The following CPS1 variants were observed in gnomAD, a reference collection of about 807,000 sequenced individuals.
The protein encoded by CPS1 is carbamoyl-phosphate synthase [ammonia], mitochondrial.
A neutral mutation model predicts 174.6 loss-of-function variants in CPS1; 109 were observed. The ratio of observed to expected loss-of-function variants is 0.62; its 90% confidence interval spans 0.53 to 0.73. The LOEUF (loss-of-function observed/expected upper bound fraction) is 0.73, where lower values mean the gene tolerates loss of function less well. Among genes scored for constraint, CPS1 ranks in the 30% least tolerant of loss-of-function variants. CPS1 has a pLI of 0.00. For missense variants in CPS1, 1,689 were observed against 1,821.9 expected (o/e 0.93, Z 1.33); for synonymous variants, 637 against 632.0 (o/e 1.01, Z -0.12).
chr2:210,561,055 T>A (rs1267903587), intron 1 of CPS1, among the ~76,000 whole-genome samples: 1 of 152,218 alleles, frequency 6.6e-6, no homozygotes, highest in Admixed American at 6.5e-5. Flanking sequence ...ATGGCCTTTC[T>A]TTTGAACATT....
At chr2:210,587,442 A>T (rs1181608751) in intron 6 of CPS1, among the ~76,000 whole-genome samples, 1 of 152,076 alleles carries the variant, frequency 6.6e-6, no homozygotes, top group Non-Finnish European at 1.5e-5. Flanking sequence ...TGCTTCAGAC[A>T]TAGATAATGA....
In CPS1 at chr2:210,615,768, C is replaced by T. The variant is rs1699284662; in HGVS notation, c.2569-655C>T. Among the ~76,000 whole-genome samples, 3 of 152,070 alleles carry T rather than the reference C, an allele frequency of 2.0e-5. No individual in the cohort carries two copies. The South Asian group carries it at 6.2e-4, about 32-fold the overall frequency. ...TTGAGGAAGAGGCTGAGCTGCCTAT[C>T]AGAACAGAAGTTATTACTACATTGT... On this transcript the variant is annotated intron_variant, in intron 20 of 37. Transcript: ENST00000233072.
chr2:210,494,535 G>A (rs889562559), intron 1 of CPS1, among the ~76,000 whole-genome samples: 5 of 152,088 alleles, frequency 3.3e-5, no homozygotes, highest in Non-Finnish European at 7.3e-5. Context: ...GACCCTAAAC[G>A]GCCCTATTGT....
At chr2:210,664,674 A>T (rs1297342455) in intron 33 of CPS1, among the ~76,000 whole-genome samples, 1 of 152,154 alleles carries the variant, frequency 6.6e-6, no homozygotes, top group East Asian at 1.9e-4. Context: ...TTCTGCATCC[A>T]TACATATGTT....
chr2:210,639,439 C>T (rs942926695), intron 23 of CPS1, among the ~76,000 whole-genome samples: 3 of 150,624 alleles, frequency 2.0e-5, no homozygotes, highest in African/African-American at 4.9e-5. Context: ...GGTGAAACCC[C>T]GTCTCTACTA....
At chr2:210,510,916 A>C (rs1403765097) in intron 1 of CPS1, among the ~76,000 whole-genome samples, 2 of 152,210 alleles carry the variant, frequency 1.3e-5, no homozygotes, top group South Asian at 2.1e-4. Context: ...AATAGGAACA[A>C]TTTTACACTG....
intron 1 of CPS1, among the ~76,000 whole-genome samples, chr2:210,541,143 G>C (rs919831065): frequency 6.6e-6 from 1 of 152,098 alleles, no homozygotes; most frequent in Admixed American, 6.5e-5. Flanking sequence ...TCAGTCCAGA[G>C]GGACAAATGT....
intron 8 of CPS1, 61 bp downstream of exon 8, chr2:210,590,295 C>A (rs914838798): frequency 1.2e-6 from 2 of 1,606,320 alleles, no homozygotes; most frequent in East Asian, 2.2e-5. Flanking sequence ...CGCTCTATAC[C>A]CTCAAAGGGC....
At chr2:210,523,688 G>T (rs1453455489) in intron 1 of CPS1, among the ~76,000 whole-genome samples, 1 of 151,950 alleles carries the variant, frequency 6.6e-6, no homozygotes, top group Non-Finnish European at 1.5e-5. Context: ...TTCTTTTTAT[G>T]GCTAAATATT....
At chr2:210,532,620 A>AGT (rs1696145267) in intron 1 of CPS1, among the ~76,000 whole-genome samples, 3 of 152,112 alleles carry the variant, frequency 2.0e-5, no homozygotes, top group Admixed American at 2.0e-4. Flanking sequence ...ATTTTCCTGT[A>AGT]GTGGTATATG....
At chr2:210,594,847 AATAAC>A (rs1698435741) in intron 12 of CPS1, among the ~76,000 whole-genome samples, 1 of 151,958 alleles carries the variant, frequency 6.6e-6, no homozygotes, top group Admixed American at 6.6e-5. Context: ...GAGTATTTGT[AATAAC>A]ATAACAAAGA....
At chr2:210,588,453 T>C (rs1276332303) in intron 7 of CPS1, among the ~76,000 whole-genome samples, 1 of 152,062 alleles carries the variant, frequency 6.6e-6, no homozygotes, top group East Asian at 1.9e-4. Flanking sequence ...CTTTGTGGTA[T>C]AGAGATGACC....
At chr2:210,599,854 A>G (rs564613245) in intron 14 of CPS1, among the ~76,000 whole-genome samples, 109 of 152,080 alleles carry the variant, frequency 7.2e-4, no homozygotes, top group African/African-American at 2.5e-3. Context: ...CTCTGTTGCT[A>G]TTGAGGTCTT....
intron 1 of CPS1, among the ~76,000 whole-genome samples, chr2:210,508,050 T>A (rs1356474745): frequency 6.6e-6 from 1 of 151,942 alleles, no homozygotes; most frequent in Non-Finnish European, 1.5e-5. Context: ...TACAGAACTC[T>A]CCACCCCAAA....
chr2:210,568,863 A>G (rs1200736715), intron 1 of CPS1, among the ~76,000 whole-genome samples: 2 of 152,172 alleles, frequency 1.3e-5, no homozygotes, highest in African/African-American at 2.4e-5. Flanking sequence ...AAAATAAAAA[A>G]TTATATGCAG....
At chr2:210,670,825 C>G (rs1395472239) in intron 34 of CPS1, among the ~76,000 whole-genome samples, 1 of 152,068 alleles carries the variant, frequency 6.6e-6, no homozygotes, top group Non-Finnish European at 1.5e-5. Context: ...AAAGTTAAAT[C>G]CAATAGGTCA....
intron 21 of CPS1, chr2:210,619,015 G>A (rs539186474): frequency 6.6e-6 from 1 of 152,172 alleles, no homozygotes; most frequent in South Asian, 2.1e-4. Context: ...AGGAGCTAGC[G>A]ATTTATTTGG....
chr2:210,614,899 G>T (rs571090453), intron 20 of CPS1, among the ~76,000 whole-genome samples: 1 of 151,924 alleles, frequency 6.6e-6, no homozygotes, highest in South Asian at 2.1e-4. Flanking sequence ...TGGGGAGGTA[G>T]GGGATGCATA....
At chr2:210,645,459 G>A (rs1383559624) in intron 25 of CPS1, among the ~76,000 whole-genome samples, 1 of 152,196 alleles carries the variant, frequency 6.6e-6, no homozygotes, top group Non-Finnish European at 1.5e-5. Context: ...CAGCATAGCT[G>A]AAAGTGTATT....
Sources: gnomAD v4.1 joint callset for allele counts (sites outside exome capture counted in the v4.1 genomes callset) on GRCh38, gnomAD v4.1.1 for gene constraint, MANE v1.5 for transcripts, NCBI Gene and HGNC (gene_info 2026-07-23, HGNC 2026-07-21) for gene names.